Variants in NRXN3 observed in about 807,000 individuals in gnomAD.
NRXN3 encodes the protein neurexin III.
NRXN3 carries 32 observed loss-of-function variants against 137.6 expected under a neutral mutation model. That is an observed-to-expected ratio of 0.23 (90% CI 0.18 to 0.31). NRXN3 has a LOEUF of 0.31. Among genes scored for constraint, NRXN3 ranks in the 10% least tolerant of loss-of-function variants. NRXN3 has a pLI of 1.00. For synonymous variants in NRXN3, 798 were observed against 784.5 expected (o/e 1.02, Z -0.29); for missense variants, 1,574 against 2,062.5 (o/e 0.76, Z 4.59).
In NRXN3 at chr14:79,615,162, G is replaced by T. The variant is rs1420042614; in HGVS notation, c.3445-48616G>T. ...TATATTCTGTGGACACTGACTGAGA[G>T]TTTGGGAGTTTCTACTGTCCCTCTC... On this transcript the variant is annotated intron_variant, in intron 16 of 20. Transcript: ENST00000335750. 2.0e-5 allele frequency among the ~76,000 whole-genome samples: 3 copies of T among 152,200 alleles called. No individual in the cohort carries two copies. The East Asian group carries it at 5.8e-4, about 29-fold the overall frequency.
At chr14:79,680,307 C>T (rs977222438) in intron 17 of NRXN3, among the ~76,000 whole-genome samples, 2 of 152,164 alleles carry the variant, frequency 1.3e-5, no homozygotes, top group Admixed American at 1.3e-4. Context: ...ATTGCTTGAG[C>T]CCAGGAGGTG....
In NRXN3 at chr14:79,412,061, T is replaced by C. The variant is rs552761929; in HGVS notation, c.3263-55160T>C. Among the ~76,000 whole-genome samples, 139 of 152,242 alleles carry C rather than the reference T, an allele frequency of 9.1e-4. 1 individual carries two copies. Among genetic ancestry groups the C allele is most frequent in the Admixed American group, 1.8e-3 (27 of 15,282 alleles). ...ATCCTGGCCAGTCTCCTTATGGTGATGGTGGTTAATCTACATGTCCCTGAG... is the reference window on the plus strand; with the variant it reads ...ATCCTGGCCAGTCTCCTTATGGTGACGGTGGTTAATCTACATGTCCCTGAG... On this transcript the variant is annotated intron_variant, in intron 15 of 20. Coordinates refer to ENST00000335750, the MANE Select transcript of NRXN3 (RefSeq NM_001330195.2).
intron 15 of NRXN3, among the ~76,000 whole-genome samples, chr14:79,325,369 A>G (rs1204309296): frequency 1.3e-5 from 2 of 151,968 alleles, no homozygotes; most frequent in African/African-American, 4.8e-5. Flanking sequence ...CATGTTGGCC[A>G]CTCCCGATGC....
chr14:78,367,769 T>A (rs2086200497), intron 4 of NRXN3, among the ~76,000 whole-genome samples: 1 of 152,210 alleles, frequency 6.6e-6, no homozygotes, highest in African/African-American at 2.4e-5. Context: ...TCTGATTTCA[T>A]TTAGATTTCC....
intron 15 of NRXN3, among the ~76,000 whole-genome samples, chr14:79,061,237 G>A (rs567338114): frequency 1.3e-5 from 2 of 152,274 alleles, no homozygotes; most frequent in South Asian, 2.1e-4. Flanking sequence ...ATATTCTAGA[G>A]GAAGAGACAC....
chr14:78,417,274 G>A lies in NRXN3; in HGVS notation c.757+119414G>A, dbSNP rs190437124. On this transcript the variant is annotated intron_variant, in intron 4 of 20. Transcript: ENST00000335750. ...GAACTTTCCATGCTACCTACATACC[G>A]TGATTCACTTCTCCACACTGTTGTT... Among the ~76,000 whole-genome samples, 28 of 152,254 alleles carry A rather than the reference G, an allele frequency of 1.8e-4. No homozygotes were observed. In the East Asian group the frequency reaches 3.7e-3, roughly 20 times the overall value.
chr14:78,327,177 G>T (rs1295313473), intron 4 of NRXN3, among the ~76,000 whole-genome samples: 1 of 152,162 alleles, frequency 6.6e-6, no homozygotes, highest in African/African-American at 2.4e-5. Context: ...TCGAAATGAG[G>T]CATAATAGAA....
At position 79,272,238 on chromosome 14, in the gene NRXN3, T is replaced by C. The variant is rs1243498248; in HGVS notation, c.3263-194983T>C. On this transcript the variant is annotated intron_variant, in intron 15 of 20. Coordinates refer to ENST00000335750, the MANE Select transcript of NRXN3 (RefSeq NM_001330195.2). ...TAGGTTTTTTTTTTTTTTTTTCCTG[T>C]TAGTTTATTTACTTCCTAAGGCCTG... Among the ~76,000 whole-genome samples the C allele has an allele frequency of 2.0e-5, 3 of 146,742 alleles. No individual in the cohort carries two copies. The East Asian group carries it at 6.0e-4, about 29-fold the overall frequency.
chr14:79,702,886 C>CAAATCTTTTACCACTA (rs1567942828), intron 19 of NRXN3, among the ~76,000 whole-genome samples: 2 of 53,534 alleles, frequency 3.7e-5, no homozygotes, highest in Non-Finnish European at 6.9e-5. Context: ...AAGTGAGAAA[C>CAAATCTTTTACCACTA]AAGTCTTTTA....
chr14:79,554,827 C>T (rs1432003339), intron 16 of NRXN3, among the ~76,000 whole-genome samples: 3 of 152,142 alleles, frequency 2.0e-5, no homozygotes, highest in Admixed American at 6.6e-5. Context: ...ATATTCCTAG[C>T]CTCCCAGTCT....
chr14:78,696,593 T>A (rs1283279341), intron 6 of NRXN3, among the ~76,000 whole-genome samples: 2 of 151,962 alleles, frequency 1.3e-5, no homozygotes, highest in African/African-American at 4.8e-5. Context: ...ACTCAGCATA[T>A]TTGCTGTTAA....
At chr14:78,813,576 T>C (rs2098921575) in intron 10 of NRXN3, among the ~76,000 whole-genome samples, 1 of 152,222 alleles carries the variant, frequency 6.6e-6, no homozygotes, top group South Asian at 2.1e-4. Flanking sequence ...GGATTATAAG[T>C]TTGTGAACTT....
At chr14:78,483,542 C>A (rs1315032199) in intron 4 of NRXN3, among the ~76,000 whole-genome samples, 1 of 152,214 alleles carries the variant, frequency 6.6e-6, no homozygotes, top group African/African-American at 2.4e-5. Context: ...AATAACTTGG[C>A]TCTCAGTTAT....
At chr14:79,500,257 C>A (rs1301557232) in intron 16 of NRXN3, among the ~76,000 whole-genome samples, 110 of 86,004 alleles carry the variant, frequency 1.3e-3, no homozygotes, top group African/African-American at 2.3e-3. Flanking sequence ...AAAAAAAAAA[C>A]CCATAGGAAA....
intron 15 of NRXN3, chr14:79,279,988 C>G (rs974522165): frequency 3.5e-5 from 41 of 1,178,958 alleles, no homozygotes; most frequent in African/African-American, 1.6e-4. Context: ...GCCGGTCTTC[C>G]CCTGACATGC....
chr14:78,249,071 T>C (rs1043892555), intron 2 of NRXN3, among the ~76,000 whole-genome samples: 2 of 152,238 alleles, frequency 1.3e-5, no homozygotes, highest in Non-Finnish European at 2.9e-5. Flanking sequence ...TATCCCTCTT[T>C]TAACTGCTGA....
chr14:79,030,902 T>C (rs2099607302), intron 15 of NRXN3, among the ~76,000 whole-genome samples: 1 of 152,094 alleles, frequency 6.6e-6, no homozygotes, highest in East Asian at 1.9e-4. Context: ...GCAGCTTGTC[T>C]TTTGGACTGC....
At chr14:78,487,969 C>T (rs2095595230) in intron 4 of NRXN3, among the ~76,000 whole-genome samples, 1 of 152,010 alleles carries the variant, frequency 6.6e-6, no homozygotes, top group Admixed American at 6.6e-5. Flanking sequence ...ATAGCACAGG[C>T]TGGAGGACTT....
At chr14:78,617,314 C>G (rs556573459) in intron 4 of NRXN3, among the ~76,000 whole-genome samples, 1 of 152,330 alleles carries the variant, frequency 6.6e-6, no homozygotes, top group South Asian at 2.1e-4. Context: ...GAATACACAT[C>G]TCCATCCCAC....
Sources: allele counts gnomAD v4.1 joint callset (sites outside exome capture counted in the v4.1 genomes callset), GRCh38; gene constraint gnomAD v4.1.1; transcripts MANE v1.5; gene names NCBI Gene and HGNC (gene_info 2026-07-23, HGNC 2026-07-21).